The following GGACT variants were observed in gnomAD, a reference collection of about 807,000 sequenced individuals.
GGACT encodes the protein gamma-glutamylamine cyclotransferase, also known as gamma-glutamylaminecyclotransferase.
For synonymous variants in GGACT, 118 were observed against 115.3 expected, an observed-to-expected ratio of 1.02 and a Z score of -0.15; for missense variants, 241 against 233.2, an observed-to-expected ratio of 1.03 and a Z score of -0.22.
At position 100,532,283 on chromosome 13, in the gene GGACT, C is replaced by T. The variant is rs1369080588; in HGVS notation, c.309G>A (p.Pro103=). Residue 103 remains proline, a synonymous_variant, in exon 3 of 3, where the codon CCG becomes CCA. Coordinates refer to ENST00000683975, the MANE Select transcript of GGACT (RefSeq NM_001195087.2). ...LRVQLLEDRA[P]GAEEPPAPTA... is the part of the protein sequence containing the mutation. ...TGGGCGCTGGCGGCTCCTCTGCGCC[C>T]GGGGCCCGGTCCTCCAGCAGCTGTA... The T allele has an allele frequency of 1.3e-6, 2 of 1,538,118 alleles. No homozygotes were observed. Among genetic ancestry groups the T allele is most frequent in the Non-Finnish European group, 1.8e-6 (2 of 1,137,584 alleles).
At chr13:100,588,573 G>T (rs1297388217) in intron 1 of GGACT, 168 bp downstream of exon 1, 1 of 152,028 alleles carries the variant, frequency 6.6e-6, no homozygotes, top group African/African-American at 2.4e-5. Context: ...CTCGCCGGCC[G>T]GCGGCGCCCC....
chr13:100,567,773 C>T (rs1285048541), intron 2 of GGACT, among the ~76,000 whole-genome samples: 2 of 152,232 alleles, frequency 1.3e-5, no homozygotes, highest in Non-Finnish European at 2.9e-5. Context: ...AAGCATATCA[C>T]AGGATTCATT....
intron 2 of GGACT, among the ~76,000 whole-genome samples, chr13:100,561,608 G>A (rs28441978): frequency 4.6e-5 from 7 of 152,210 alleles, no homozygotes; most frequent in African/African-American, 1.7e-4. Flanking sequence ...CCCAGCAAGT[G>A]GTACTGGTTC....
At chr13:100,547,358 C>T (rs566365962) in intron 2 of GGACT, among the ~76,000 whole-genome samples, 3 of 152,340 alleles carry the variant, frequency 2.0e-5, no homozygotes, top group East Asian at 3.9e-4. Context: ...GATGGAAATG[C>T]TCCTTATACT....
chr13:100,538,956 A>G (rs994644567), intron 2 of GGACT: 4 of 152,092 alleles, frequency 2.6e-5, no homozygotes, highest in African/African-American at 9.7e-5. Context: ...GTTTATTCCT[A>G]AGTATTTTAT....
intron 2 of GGACT, among the ~76,000 whole-genome samples, chr13:100,575,113 C>G (rs898839807): frequency 1.3e-5 from 2 of 152,196 alleles, no homozygotes; most frequent in African/African-American, 4.8e-5. Context: ...AGATTCCAGT[C>G]ACAAAATAAA....
intron 2 of GGACT, chr13:100,537,457 T>C (rs955701945): frequency 6.6e-6 from 1 of 152,518 alleles, no homozygotes. Context: ...TTGCTCTTCC[T>C]GCTGCTGAGA....
At chr13:100,568,374 A>C (rs1172349348) in intron 2 of GGACT, among the ~76,000 whole-genome samples, 1 of 152,256 alleles carries the variant, frequency 6.6e-6, no homozygotes, top group Non-Finnish European at 1.5e-5. Flanking sequence ...GCAGAAGGGG[A>C]ACCAAACATG....
At chr13:100,576,378 T>C (rs1875247450) in intron 2 of GGACT, among the ~76,000 whole-genome samples, 2 of 152,180 alleles carry the variant, frequency 1.3e-5, no homozygotes, top group African/African-American at 4.8e-5. Context: ...TGGTGGAAAG[T>C]GTCTTATAAA....
chr13:100,581,813 T>C (rs1158313203), intron 2 of GGACT, among the ~76,000 whole-genome samples: 10 of 152,186 alleles, frequency 6.6e-5, no homozygotes, highest in African/African-American at 2.4e-4. Flanking sequence ...GTGTGCTTGA[T>C]ACGATGTAGC....
chr13:100,533,827 GA>G, intron 2 of GGACT: 1 of 152,412 alleles, frequency 6.6e-6, no homozygotes, highest in South Asian at 2.1e-4. Context: ...AACAAAAATG[GA>G]AATGAACATT....
chr13:100,580,317 G>A (rs778334172), intron 2 of GGACT, among the ~76,000 whole-genome samples: 5 of 152,188 alleles, frequency 3.3e-5, no homozygotes, highest in South Asian at 4.1e-4. Context: ...CAATCTACAC[G>A]GGCCCTGAAT....
rs2088418007 is a variant in GGACT, at chr13:100,532,396, C to T, written c.196G>A (p.Glu66Lys). 4 of 1,550,170 alleles carry T rather than the reference C, an allele frequency of 2.6e-6. No homozygotes were observed. The highest frequency in any genetic ancestry group is 2.0e-5 in the Admixed American group (1 of 50,972). The change falls in exon 3 of 3, where the codon GAG becomes AAG. Residue 66 changes from glutamate to lysine, a missense_variant. By Grantham distance (56) the Glu-to-Lys change is moderately conservative. Coordinates refer to ENST00000683975, the MANE Select transcript of GGACT (RefSeq NM_001195087.2). ...ATCCGCTCGTCTACCGCGTAGACCT[C>T]GCCCTCCACGAGGCGCCCCGAGCCG... ...LPGSGRLVEG[E>K]VYAVDERMLR...
At chr13:100,557,680 CAAAAAGCACAAATAATAAAAG>C (rs1197895082) in intron 2 of GGACT, among the ~76,000 whole-genome samples, 1 of 151,984 alleles carries the variant, frequency 6.6e-6, no homozygotes, top group Non-Finnish European at 1.5e-5. Flanking sequence ...TGATAGGACA[CAAAAAGCACAAATAATAAAAG>C]AAAACATGAA....
intron 2 of GGACT, among the ~76,000 whole-genome samples, chr13:100,553,973 C>T (rs34963241): frequency 6.6e-6 from 1 of 152,068 alleles, no homozygotes; most frequent in Non-Finnish European, 1.5e-5. Flanking sequence ...TACACTAAGC[C>T]TTAAAAACAA....
rs59417268 is a variant in GGACT, at chr13:100,577,418, A to AAAATAAATAAATAAATAAAT, written c.-11+6387_-11+6406dup. On this transcript the variant is annotated intron_variant, in intron 2 of 2. Coordinates refer to ENST00000683975, the MANE Select transcript of GGACT (RefSeq NM_001195087.2). The stretch of plus-strand genomic sequence containing the variant: ...GTGACAAGAGCGAGACTCCATCTCA[A>AAAATAAATAAATAAATAAAT]AAATAAATAAATAAATAAATAAATA... Among the ~76,000 whole-genome samples the AAAATAAATAAATAAATAAAT allele has an allele frequency of 1.1e-3, 160 of 141,218 alleles. 2 individuals are homozygous for AAAATAAATAAATAAATAAAT. The highest frequency in any genetic ancestry group is 7.2e-3 in the Middle Eastern group (2 of 276). 92.6% of individuals were successfully genotyped at this position (141,218 alleles called of 152,430 possible).
intron 2 of GGACT, among the ~76,000 whole-genome samples, chr13:100,554,123 G>A (rs569058516): frequency 2.8e-4 from 42 of 152,300 alleles, no homozygotes; most frequent in African/African-American, 9.9e-4. Context: ...GGAGATCAAA[G>A]GCTTCATGGA....
intron 2 of GGACT, among the ~76,000 whole-genome samples, chr13:100,546,361 CAAAAAA>C (rs778470021): frequency 4.4e-4 from 24 of 54,610 alleles, no homozygotes; most frequent in African/African-American, 1.7e-3. Context: ...GACTCTGTCT[CAAAAAA>C]AAAAAAAAAA....
intron 2 of GGACT, among the ~76,000 whole-genome samples, chr13:100,569,386 C>T (rs981848903): frequency 6.6e-5 from 10 of 152,250 alleles, no homozygotes; most frequent in Non-Finnish European, 1.0e-4. Context: ...CCCAACACCA[C>T]GTGTAAGCTG....
Sources: allele counts gnomAD v4.1 joint callset (sites outside exome capture counted in the v4.1 genomes callset), GRCh38; gene constraint gnomAD v4.1.1; transcripts MANE v1.5; gene names NCBI Gene and HGNC (gene_info 2026-07-23, HGNC 2026-07-21).